GGNBP2: variants seen among roughly 807,000 people sequenced by gnomAD.
GGNBP2 encodes the protein gametogenetin binding protein 2.
GGNBP2 carries 10 observed loss-of-function variants against 85.9 expected under a neutral mutation model. The observed-to-expected ratio is 0.12, with a 90% CI of 0.07 to 0.20. The LOEUF is 0.20. Ranked by LOEUF, GGNBP2 falls within the 10% of genes least tolerant of loss-of-function variation. GGNBP2 has a pLI of 1.00. For synonymous variants in GGNBP2, 287 were observed against 285.7 expected, an observed-to-expected ratio of 1.00 and a Z score of -0.05; for missense variants, 595 against 857.8, an observed-to-expected ratio of 0.69 and a Z score of 3.83.
intron 6 of GGNBP2, among the ~76,000 whole-genome samples, chr17:36,573,651 G>T (rs1432204138): frequency 6.6e-6 from 1 of 152,116 alleles, no homozygotes; most frequent in Non-Finnish European, 1.5e-5. Context: ...GTGCATAAGG[G>T]TTCCAATTTC....
rs188293579 is a variant in GGNBP2 at position 36,559,784 on chromosome 17, A to G, written c.429-989A>G. Among the ~76,000 whole-genome samples, 132 of 152,248 alleles carry G rather than the reference A, an allele frequency of 8.7e-4. 1 individual carries two copies. Among genetic ancestry groups the G allele is most frequent in the African/African-American group, 2.9e-3 (120 of 41,542 alleles). On this transcript the variant is annotated intron_variant, in intron 4 of 13. Transcript: ENST00000613102. Reference sequence around the variant, plus strand: ...CAGGGATGATAATGGTAGAGGTGATAAGAAGTGATCTGATTCTAGATTGGT... The same window carrying G: ...CAGGGATGATAATGGTAGAGGTGATGAGAAGTGATCTGATTCTAGATTGGT...
At chr17:36,558,652 C>T (rs977119644) in intron 4 of GGNBP2, among the ~76,000 whole-genome samples, 4 of 151,440 alleles carry the variant, frequency 2.6e-5, no homozygotes, top group Admixed American at 6.6e-5. Flanking sequence ...GACAGGGTTT[C>T]GCTATGTTGG....
intron 5 of GGNBP2, among the ~76,000 whole-genome samples, chr17:36,561,865 C>T (rs377324467): frequency 0.011 from 1,682 of 152,224 alleles, 13 homozygotes; most frequent in South Asian, 0.042. Flanking sequence ...CCTCATGATC[C>T]GCCCACCTCG....
chr17:36,588,026 G>A (rs1401606856), intron 13 of GGNBP2, among the ~76,000 whole-genome samples: 3 of 152,174 alleles, frequency 2.0e-5, no homozygotes, highest in South Asian at 2.1e-4. Flanking sequence ...TTTCTGATTG[G>A]CAAGTTATGG....
chr17:36,548,667 G>C (rs529042803), intron 2 of GGNBP2, among the ~76,000 whole-genome samples: 2 of 132,664 alleles, frequency 1.5e-5, no homozygotes, highest in African/African-American at 5.4e-5. Context: ...CCTTAGGCCC[G>C]GTGCTGTGGC....
At chr17:36,571,711 C>T (rs190743190) in intron 6 of GGNBP2, among the ~76,000 whole-genome samples, 21 of 152,152 alleles carry the variant, frequency 1.4e-4, no homozygotes, top group African/African-American at 4.6e-4. Context: ...GGCTTGATGG[C>T]GGGCGCCTGT....
chr17:36,545,536 C>T (rs1257293119), intron 1 of GGNBP2, 83 bp from the exon 2 acceptor site: 4 of 526,508 alleles, frequency 7.6e-6, no homozygotes, highest in South Asian at 5.1e-5. Context: ...TCTCCCGTAC[C>T]CTCCCGCTCC....
chr17:36,579,226 T>A lies in GGNBP2; in HGVS notation c.846-19T>A, dbSNP rs755152710. ...TGTTTCAGTTAAAGGTATTAGTGTG[T>A]GATTATTCCCTTTTATAGGCGAAGA... is the stretch of plus-strand genomic sequence containing the variant. On this transcript the variant is annotated intron_variant, in intron 7 of 13. Transcript: ENST00000613102. 1.7e-5 allele frequency: 27 copies of A among 1,607,348 alleles called. No homozygotes were observed. The highest frequency in any genetic ancestry group is 2.2e-5 in the Non-Finnish European group (26 of 1,174,354).
At position 36,557,119 on chromosome 17, in the gene GGNBP2, G is replaced by GC; in HGVS notation, c.213dup (p.Met72HisfsTer41). The GC allele has an allele frequency of 6.2e-7, 1 of 1,614,012 alleles. No individual in the cohort carries two copies. Among genetic ancestry groups the GC allele is most frequent in the South Asian group, 1.1e-5 (1 of 91,078 alleles). ...GCTTAAGCAACAGGATCTAAGTATT[G>GC]CCATGGTGGTGACATCACGCGAAGT... On this transcript the variant is annotated frameshift_variant, in exon 4 of 14. Coordinates refer to ENST00000613102, the MANE Select transcript of GGNBP2 (RefSeq NM_024835.5). LOFTEE classifies it high-confidence loss of function.
intron 6 of GGNBP2, among the ~76,000 whole-genome samples, chr17:36,575,508 A>G (rs1839037226): frequency 6.6e-6 from 1 of 150,676 alleles, no homozygotes; most frequent in South Asian, 2.1e-4. Flanking sequence ...TAATTTTTGT[A>G]TATTTTTGCC....
At chr17:36,587,542 G>T in intron 13 of GGNBP2, 1 of 305,846 alleles carries the variant, frequency 3.3e-6, no homozygotes, top group Non-Finnish European at 6.3e-6. Context: ...AATACTGCGA[G>T]TTGAAAATAC....
intron 7 of GGNBP2, 146 bp from the exon 8 acceptor site, chr17:36,579,099 A>G (rs1599543671): frequency 3.1e-6 from 2 of 635,884 alleles, no homozygotes; most frequent in South Asian, 3.9e-5. Context: ...GCATGCTTGT[A>G]TAGCAACATA....
At position 36,572,854 on chromosome 17, in the gene GGNBP2, CT is replaced by C. The variant is rs759965806; in HGVS notation, c.641+5079del. ...AACACCTTTTTTCTCCCCTCACCCC[CT>C]AGCAACCACAATTCTTCTTTCTGTT... On this transcript the variant is annotated intron_variant, in intron 6 of 13. Coordinates refer to ENST00000613102, the MANE Select transcript of GGNBP2 (RefSeq NM_024835.5). 7.9e-5 allele frequency among the ~76,000 whole-genome samples: 12 copies of C among 152,258 alleles called. No homozygotes were observed. In the South Asian group the frequency reaches 2.3e-3, roughly 29 times the overall value.
At chr17:36,545,492 G>C (rs1037578176) in intron 1 of GGNBP2, 127 bp from the exon 2 acceptor site, 8 of 441,186 alleles carry the variant, frequency 1.8e-5, no homozygotes, top group African/African-American at 1.4e-4. Context: ...GGCTGAGCGT[G>C]TGTGGAATCG....
At chr17:36,575,310 C>G (rs2142757766) in intron 6 of GGNBP2, 2 of 473,844 alleles carry the variant, frequency 4.2e-6, no homozygotes, top group East Asian at 9.0e-5. Flanking sequence ...CGGCTGCCAC[C>G]AGCATCATCT....
chr17:36,566,617 G>A (rs1555605882), intron 5 of GGNBP2, among the ~76,000 whole-genome samples: 1 of 151,846 alleles, frequency 6.6e-6, no homozygotes, highest in East Asian at 1.9e-4. Context: ...CAGGGGTGGG[G>A]TTGCACTGAG....
intron 13 of GGNBP2, 101 bp downstream of exon 13, chr17:36,587,346 G>A (rs1348721255): frequency 8.2e-7 from 1 of 1,214,680 alleles, no homozygotes; most frequent in South Asian, 1.3e-5. Context: ...GTTGAAGGAA[G>A]CTTATGAGAA....
chr17:36,554,920 G>C lies in GGNBP2; in HGVS notation c.174+20G>C, dbSNP rs756429405. ...ATTCAGGTAATAGTTTTTTCAATCA[G>C]TGTTTTTAATGGTGTATGTGTATTT... On this transcript the variant is annotated intron_variant, in intron 3 of 13. Transcript: ENST00000613102. 7.0e-7 allele frequency: 1 copy of C among 1,434,624 alleles called. No homozygotes were observed. The highest frequency in any genetic ancestry group is 2.3e-5 in the East Asian group (1 of 44,026). The allele number at this position is 1,434,624 out of a possible 1,614,324, so 88.9% of individuals were successfully genotyped here. A position where few individuals can be genotyped will look rare whatever the true frequency, so the allele number is the denominator to read the frequency against.
chr17:36,560,927 C>A, intron 5 of GGNBP2, 56 bp downstream of exon 5: 3 of 920,516 alleles, frequency 3.3e-6, no homozygotes, highest in Non-Finnish European at 1.7e-6. Flanking sequence ...TATATTTGAT[C>A]ATATTTAGTA....
Sources: gnomAD v4.1 joint callset for allele counts (sites outside exome capture counted in the v4.1 genomes callset) on GRCh38, gnomAD v4.1.1 for gene constraint, MANE v1.5 for transcripts, NCBI Gene and HGNC (gene_info 2026-07-23, HGNC 2026-07-21) for gene names.